Variants in AFAP1 observed in about 807,000 individuals in gnomAD.
AFAP1 encodes the protein actin filament-associated protein 1.
Under a neutral mutation model 93.9 loss-of-function variants are expected in AFAP1, and 75 were observed. The ratio of observed to expected loss-of-function variants is 0.80; its 90% CI spans 0.66 to 0.97. The LOEUF (loss-of-function observed/expected upper bound fraction) is 0.97, where lower values mean the gene tolerates loss of function less well. Among genes scored for constraint, AFAP1 ranks in the 50% least tolerant of loss-of-function variants. The pLI, the probability that AFAP1 is intolerant of heterozygous loss-of-function variation, is 0.00. For synonymous variants in AFAP1, 517 were observed against 430.7 expected (o/e 1.20, Z -2.48); for missense variants, 1,201 against 1,050.8 (o/e 1.14, Z -1.98).
intron 1 of AFAP1, among the ~76,000 whole-genome samples, chr4:7,893,262 G>C (rs892703425): frequency 2.0e-5 from 3 of 152,194 alleles, no homozygotes; most frequent in Admixed American, 2.0e-4. Context: ...ACGCTCTAAA[G>C]TTACATTACA....
intron 3 of AFAP1, among the ~76,000 whole-genome samples, chr4:7,866,221 G>C (rs571605773): frequency 6.0e-5 from 9 of 149,930 alleles, no homozygotes; most frequent in Admixed American, 5.3e-4. Context: ...TTTTGAGACA[G>C]AGTCTCGCTC....
chr4:7,836,368 T>C (rs1712299475), intron 6 of AFAP1, among the ~76,000 whole-genome samples: 1 of 152,234 alleles, frequency 6.6e-6, no homozygotes, highest in African/African-American at 2.4e-5. Context: ...CAGGCAGCTC[T>C]ACGGAGACAG....
chr4:7,882,063 T>A (rs1003636725), intron 1 of AFAP1, among the ~76,000 whole-genome samples: 9 of 152,126 alleles, frequency 5.9e-5, no homozygotes, highest in African/African-American at 2.2e-4. Flanking sequence ...ACGGGATCCA[T>A]GAATGCAGTC....
chr4:7,832,953 T>C (rs1289909010), intron 6 of AFAP1, among the ~76,000 whole-genome samples: 1 of 152,132 alleles, frequency 6.6e-6, no homozygotes, highest in Non-Finnish European at 1.5e-5. Flanking sequence ...TAGCCTCATG[T>C]AGGAGAATGA....
intron 4 of AFAP1, among the ~76,000 whole-genome samples, chr4:7,847,214 T>C (rs1320361172): frequency 6.6e-6 from 1 of 151,042 alleles, no homozygotes; most frequent in African/African-American, 2.4e-5. Context: ...TCAAGAGAAC[T>C]CTCCAGAAAG....
chr4:7,823,333 A>T (rs2149078912), intron 6 of AFAP1, among the ~76,000 whole-genome samples: 1 of 152,378 alleles, frequency 6.6e-6, no homozygotes, highest in South Asian at 2.1e-4. Context: ...AAAGAAAAAC[A>T]GAAGGAAAGA....
At chr4:7,806,372 C>T (rs1383937089) in intron 9 of AFAP1, among the ~76,000 whole-genome samples, 1 of 152,216 alleles carries the variant, frequency 6.6e-6, no homozygotes, top group Admixed American at 6.5e-5. Flanking sequence ...CCCCCACAAA[C>T]AAGGCCCTCA....
chr4:7,795,149 G>GTT, intron 10 of AFAP1, among the ~76,000 whole-genome samples: 1 of 152,266 alleles, frequency 6.6e-6, no homozygotes, highest in Non-Finnish European at 1.5e-5. Flanking sequence ...AGGAAGGGAT[G>GTT]TTAACAAACA....
intron 8 of AFAP1, among the ~76,000 whole-genome samples, chr4:7,810,139 A>T (rs1026960039): frequency 6.6e-6 from 1 of 152,248 alleles, no homozygotes; most frequent in African/African-American, 2.4e-5. Flanking sequence ...CTGGGATTAC[A>T]GGTGTGAGCC....
chr4:7,813,934 G>A (rs1181991369), intron 8 of AFAP1, among the ~76,000 whole-genome samples: 2 of 152,118 alleles, frequency 1.3e-5, no homozygotes, highest in South Asian at 2.1e-4. Context: ...TGGGCAGGTG[G>A]ATTTGGGTGG....
intron 4 of AFAP1, among the ~76,000 whole-genome samples, chr4:7,844,732 A>G (rs1011141062): frequency 3.3e-5 from 5 of 152,246 alleles, no homozygotes; most frequent in Non-Finnish European, 7.3e-5. Context: ...ATGGCGTAGT[A>G]AAAGGTCTTC....
intron 1 of AFAP1, among the ~76,000 whole-genome samples, chr4:7,884,717 G>C (rs758459794): frequency 3.3e-5 from 5 of 152,174 alleles, no homozygotes; most frequent in Non-Finnish European, 5.9e-5. Context: ...AGAAAAAAAT[G>C]AAACAACTCA....
In AFAP1 at chr4:7,816,041, G is replaced by C. The variant is rs1353592171; in HGVS notation, c.881C>G (p.Thr294Ser). Residue 294 changes from threonine (T) to serine (S), a missense_variant, in exon 8 of 18, where the codon ACC (threonine) becomes AGC (serine). Coordinates refer to ENST00000420658, the MANE Select transcript of AFAP1 (RefSeq NM_001134647.2). ...DGEGVVENGI[T>S]TCNGKEQVKR... The stretch of plus-strand genomic sequence containing the variant: ...ACCTTGCTCCTTTCCATTACATGTG[G>C]TAATTCCATTTTCCACAACACCCTC... 5 of 1,612,532 alleles carry C rather than the reference G, an allele frequency of 3.1e-6. No homozygotes were observed. Among genetic ancestry groups the C allele is most frequent in the African/African-American group, 2.7e-5 (2 of 74,794 alleles).
At chr4:7,938,454 C>CA (rs1161102226) in intron 1 of AFAP1, among the ~76,000 whole-genome samples, 1 of 152,164 alleles carries the variant, frequency 6.6e-6, no homozygotes, top group Non-Finnish European at 1.5e-5. Flanking sequence ...TGAAAGCATT[C>CA]ACTAAGGAGT....
rs535997243 is a variant in AFAP1 at position 7,884,768 on chromosome 4, G to A, written c.-2-12688C>T. 2.0e-4 allele frequency among the ~76,000 whole-genome samples: 31 copies of A among 152,298 alleles called. No homozygotes were observed. The East Asian group carries it at 3.3e-3, about 16-fold the overall frequency. On this transcript the variant is annotated intron_variant, in intron 1 of 17. Coordinates refer to ENST00000420658, the MANE Select transcript of AFAP1 (RefSeq NM_001134647.2). ...AGATGAATTCTTTTATAACCTGGGTGTGGAAAAAGATTTTCTAATTCTGAC... is the reference window on the plus strand; with the variant it reads ...AGATGAATTCTTTTATAACCTGGGTATGGAAAAAGATTTTCTAATTCTGAC...
chr4:7,832,751 T>G (rs919614122), intron 6 of AFAP1, among the ~76,000 whole-genome samples: 8 of 150,558 alleles, frequency 5.3e-5, no homozygotes, highest in African/African-American at 1.9e-4. Context: ...ATTACCTGAT[T>G]TCAAACTACA....
At chr4:7,862,765 T>C (rs1715880826) in intron 3 of AFAP1, among the ~76,000 whole-genome samples, 1 of 152,150 alleles carries the variant, frequency 6.6e-6, no homozygotes, top group African/African-American at 2.4e-5. Flanking sequence ...AATGAAAATA[T>C]GTCCAGAAAA....
intron 1 of AFAP1, among the ~76,000 whole-genome samples, chr4:7,926,737 T>A (rs1462237738): frequency 6.6e-6 from 1 of 151,988 alleles, no homozygotes; most frequent in Non-Finnish European, 1.5e-5. Flanking sequence ...CCCTTCCCCT[T>A]CTTTCTTTTT....
chr4:7,928,288 A>AGCTAG (rs764766070), intron 1 of AFAP1, among the ~76,000 whole-genome samples: 55 of 152,288 alleles, frequency 3.6e-4, no homozygotes, highest in Non-Finnish European at 7.3e-4. Flanking sequence ...ATCCCACCTG[A>AGCTAG]TTCCTCCGCT....
Sources: allele counts gnomAD v4.1 joint callset (sites outside exome capture counted in the v4.1 genomes callset), GRCh38; gene constraint gnomAD v4.1.1; transcripts MANE v1.5; gene names NCBI Gene and HGNC (gene_info 2026-07-23, HGNC 2026-07-21).